Variants in FAM20B observed in about 807,000 individuals in gnomAD.
The protein encoded by FAM20B is glycosaminoglycan xylosylkinase.
A neutral mutation model predicts 43.8 loss-of-function variants in FAM20B; 23 were observed. The observed-to-expected ratio is 0.53, with a 90% CI of 0.38 to 0.74. The LOEUF (loss-of-function observed/expected upper bound fraction) is 0.74, where lower values mean the gene tolerates loss of function less well. FAM20B is among the 30% of genes least tolerant of loss of function. FAM20B has a pLI of 0.00. For missense variants in FAM20B, 440 were observed against 510.5 expected (o/e 0.86, Z 1.33); for synonymous variants, 178 against 192.4 (o/e 0.93, Z 0.62).
At chr1:179,052,935 T>A (rs1651065739) in intron 3 of FAM20B, among the ~76,000 whole-genome samples, 2 of 152,258 alleles carry the variant, frequency 1.3e-5, no homozygotes, top group African/African-American at 2.4e-5. Context: ...CACTAAGTTT[T>A]GTTGATATAT....
upstream of FAM20B, among the ~76,000 whole-genome samples, chr1:179,021,914 A>T (rs915326541): frequency 6.6e-6 from 1 of 152,184 alleles, no homozygotes; most frequent in Non-Finnish European, 1.5e-5. Flanking sequence ...TGCTAGAGTG[A>T]AAAAATAACC....
chr1:179,036,991 C>T (rs1650268220), intron 1 of FAM20B, among the ~76,000 whole-genome samples: 1 of 152,188 alleles, frequency 6.6e-6, no homozygotes, highest in South Asian at 2.1e-4. Flanking sequence ...AGCACCTACA[C>T]ATCAAGAGGA....
At chr1:179,060,667 A>C (rs1265446213) in intron 4 of FAM20B, among the ~76,000 whole-genome samples, 1 of 152,198 alleles carries the variant, frequency 6.6e-6, no homozygotes, top group African/African-American at 2.4e-5. Context: ...TCTTCCACTA[A>C]ACCAGTCCCC....
intron 1 of FAM20B, among the ~76,000 whole-genome samples, chr1:179,041,345 CT>C (rs1487803877): frequency 5.3e-5 from 8 of 152,162 alleles, no homozygotes; most frequent in African/African-American, 1.4e-4. Context: ...GATCACGCCA[CT>C]GCACTCCAGC....
chr1:179,018,562 C>T, the FAM20B span, among the ~76,000 whole-genome samples: 1 of 152,192 alleles, frequency 6.6e-6, no homozygotes, highest in African/African-American at 2.4e-5. Context: ...CCGCCTCAGC[C>T]TCCCAAAGTG....
intron 7 of FAM20B, among the ~76,000 whole-genome samples, chr1:179,069,743 A>G (rs1436874729): frequency 6.6e-6 from 1 of 152,190 alleles, no homozygotes; most frequent in African/African-American, 2.4e-5. Context: ...TCACAGAGGA[A>G]GCTCTGATGC....
intron 3 of FAM20B, among the ~76,000 whole-genome samples, chr1:179,052,111 GCAAA>G (rs1474675617): frequency 2.6e-5 from 4 of 152,058 alleles, no homozygotes; most frequent in African/African-American, 9.7e-5. Context: ...AAATTTAAAA[GCAAA>G]CAACAAACGG....
At chr1:179,032,694 AT>A (rs759867397) in intron 1 of FAM20B, among the ~76,000 whole-genome samples, 3 of 152,184 alleles carry the variant, frequency 2.0e-5, no homozygotes, top group African/African-American at 4.8e-5. Context: ...AGAAGAAAAA[AT>A]ATCTATAGAT....
chr1:179,064,351 C>T lies in FAM20B; in HGVS notation c.793C>T (p.Pro265Ser), dbSNP rs755870535. The T allele has an allele frequency of 6.2e-7, 1 of 1,613,982 alleles. No individual in the cohort carries two copies. The highest frequency in any genetic ancestry group is 8.5e-7 in the Non-Finnish European group (1 of 1,179,906). ...SYCDAVKKTS[P>S]YDSGPRLLDI... Reference sequence around the variant, plus strand: ...CTGTGATGCTGTGAAGAAAACGTCCCCTTATGACTCTGGCCCGCGCCTCTT... The same window carrying T: ...CTGTGATGCTGTGAAGAAAACGTCCTCTTATGACTCTGGCCCGCGCCTCTT... The change falls in exon 6 of 8, where the codon CCT becomes TCT. Residue 265 changes from proline to serine, a missense_variant. By Grantham distance (74) the Pro-to-Ser change is moderately conservative. Transcript: ENST00000263733.
intron 1 of FAM20B, among the ~76,000 whole-genome samples, chr1:179,038,330 G>A (rs1650338080): frequency 6.6e-6 from 1 of 150,470 alleles, no homozygotes; most frequent in Non-Finnish European, 1.5e-5. Context: ...AGAATCGCTT[G>A]AACCCAGGAA....
At chr1:179,043,068 C>A (rs1425329611) in intron 1 of FAM20B, among the ~76,000 whole-genome samples, 1 of 152,196 alleles carries the variant, frequency 6.6e-6, no homozygotes, top group Non-Finnish European at 1.5e-5. Flanking sequence ...AGCCTGCCTC[C>A]TGCCACCATT....
intron 7 of FAM20B, among the ~76,000 whole-genome samples, chr1:179,068,220 T>G (rs1651771090): frequency 6.6e-6 from 1 of 152,192 alleles, no homozygotes; most frequent in Non-Finnish European, 1.5e-5. Context: ...TCTCTTAATC[T>G]TCTTTCTTTT....
chr1:179,053,052 T>A (rs1429805047), intron 3 of FAM20B, among the ~76,000 whole-genome samples: 1 of 152,242 alleles, frequency 6.6e-6, no homozygotes, highest in Non-Finnish European at 1.5e-5. Context: ...CTTAGAGTAT[T>A]TGTGTACTTT....
At chr1:179,026,345 G>T (rs1649774281) in intron 1 of FAM20B, among the ~76,000 whole-genome samples, 1 of 151,940 alleles carries the variant, frequency 6.6e-6, no homozygotes, top group South Asian at 2.1e-4. Context: ...GCGTGTCCCT[G>T]TGTGCGGTCG....
At chr1:179,018,658 A>G in the FAM20B span, among the ~76,000 whole-genome samples, 1 of 152,200 alleles carries the variant, frequency 6.6e-6, no homozygotes, top group East Asian at 1.9e-4. Flanking sequence ...TAGTAAAAAT[A>G]TGTAATAATG....
rs1652017224 is a variant in FAM20B at position 179,073,505 on chromosome 1, AG to A, written c.*1364del. 1 of 152,036 alleles carries A rather than the reference AG, an allele frequency of 6.6e-6. No homozygotes were observed. Among genetic ancestry groups the A allele is most frequent in the East Asian group, 1.9e-4 (1 of 5,182 alleles). The allele number at this position is 152,036 out of a possible 1,614,324, so 9.4% of individuals were successfully genotyped here. ...TAATTTTTATATTTTTAGTGGAGAC[AG>A]GGTTTCGGGTTTCACCATGTTGGCC... On this transcript the variant is annotated 3_prime_UTR_variant, in exon 8 of 8. Transcript: ENST00000263733.
chr1:179,060,021 G>T (rs950820945), intron 4 of FAM20B, among the ~76,000 whole-genome samples: 1 of 150,698 alleles, frequency 6.6e-6, no homozygotes, highest in Non-Finnish European at 1.5e-5. Context: ...TTTCTCGTCT[G>T]TCTAGTTCCT....
intron 2 of FAM20B, among the ~76,000 whole-genome samples, chr1:179,046,857 A>G (rs1452290346): frequency 6.6e-6 from 1 of 151,610 alleles, no homozygotes; most frequent in East Asian, 2.0e-4. Context: ...ACAAAAAATT[A>G]GCTAGGCACG....
chr1:179,029,103 C>T (rs551991049), intron 1 of FAM20B, among the ~76,000 whole-genome samples: 1 of 152,322 alleles, frequency 6.6e-6, no homozygotes, highest in East Asian at 1.9e-4. Context: ...GATTGATAGC[C>T]AGTGTTTTTG....
Sources: allele counts gnomAD v4.1 joint callset (sites outside exome capture counted in the v4.1 genomes callset), GRCh38; gene constraint gnomAD v4.1.1; transcripts MANE v1.5; gene names NCBI Gene and HGNC (gene_info 2026-07-23, HGNC 2026-07-21).